Variants in NTM observed in about 807,000 individuals in gnomAD.
NTM encodes IgLON family member 2.
In NTM, 13 loss-of-function variants were observed where a neutral mutation model predicts 42.1. The observed-to-expected ratio is 0.31, with a 90% CI of 0.20 to 0.49. The LOEUF (loss-of-function observed/expected upper bound fraction) is 0.49. NTM is among the 20% of genes least tolerant of loss of function. The pLI is 0.99. For missense variants in NTM, 373 were observed against 452.8 expected, an observed-to-expected ratio of 0.82 and a Z score of 1.60; for synonymous variants, 187 against 179.2, an observed-to-expected ratio of 1.04 and a Z score of -0.35.
intron 4 of NTM, among the ~76,000 whole-genome samples, chr11:132,212,352 A>C (rs1373067405): frequency 2.6e-5 from 4 of 152,202 alleles, no homozygotes; most frequent in Non-Finnish European, 4.4e-5. Flanking sequence ...TTCATACCTC[A>C]GTATCTCTCC....
chr11:131,631,860 T>A (rs1172042466), intron 1 of NTM, among the ~76,000 whole-genome samples: 2 of 152,220 alleles, frequency 1.3e-5, no homozygotes, highest in Non-Finnish European at 2.9e-5. Flanking sequence ...TAAACACTGC[T>A]CTAATATCAT....
At chr11:131,553,546 T>C (rs2054992118) in intron 1 of NTM, among the ~76,000 whole-genome samples, 1 of 152,186 alleles carries the variant, frequency 6.6e-6, no homozygotes, top group Non-Finnish European at 1.5e-5. Flanking sequence ...AGGTGTTCTG[T>C]ATTCCATTAG....
intron 1 of NTM, among the ~76,000 whole-genome samples, chr11:131,447,320 C>T (rs1950133322): frequency 6.6e-6 from 1 of 152,168 alleles, no homozygotes; most frequent in African/African-American, 2.4e-5. Flanking sequence ...ATCATTTTAT[C>T]TTGTCAGAGT....
chr11:131,795,025 G>C (rs1229922880), intron 1 of NTM: 1 of 983,540 alleles, frequency 1.0e-6, no homozygotes. Context: ...CTCCTTCCTG[G>C]ACCCTGTAGC....
At chr11:131,544,563 T>C (rs540337372) in intron 1 of NTM, among the ~76,000 whole-genome samples, 57 of 152,328 alleles carry the variant, frequency 3.7e-4, no homozygotes, top group South Asian at 2.3e-3. Context: ...ATATTTTCTG[T>C]GACCCTGAAG....
At chr11:131,887,814 G>T (rs140011979) in intron 1 of NTM, among the ~76,000 whole-genome samples, 1 of 152,288 alleles carries the variant, frequency 6.6e-6, no homozygotes, top group African/African-American at 2.4e-5. Context: ...TTGCTATATT[G>T]TGGTGGCTTA....
intron 1 of NTM, among the ~76,000 whole-genome samples, chr11:131,497,009 G>T (rs1176192960): frequency 6.6e-6 from 1 of 152,074 alleles, no homozygotes; most frequent in Non-Finnish European, 1.5e-5. Flanking sequence ...CTAGCAGGAG[G>T]TCGATAATTC....
intron 2 of NTM, among the ~76,000 whole-genome samples, chr11:132,024,096 G>T (rs549278217): frequency 6.6e-6 from 1 of 152,038 alleles, no homozygotes; most frequent in Admixed American, 6.5e-5. Flanking sequence ...GGGATTACAG[G>T]TGTGAGCTAC....
chr11:132,066,934 G>T (rs939958546), intron 2 of NTM, among the ~76,000 whole-genome samples: 1 of 151,246 alleles, frequency 6.6e-6, no homozygotes, highest in African/African-American at 2.4e-5. Context: ...CAGGGATTAG[G>T]ATGTGCATGG....
At chr11:131,566,451 CTGTG>C (rs760259444) in intron 1 of NTM, among the ~76,000 whole-genome samples, 42 of 148,202 alleles carry the variant, frequency 2.8e-4, no homozygotes, top group Non-Finnish European at 5.1e-4. Context: ...GTGTGTGTGT[CTGTG>C]TGTGTGTGCA....
chr11:131,647,728 A>C (rs1490341420), intron 1 of NTM, among the ~76,000 whole-genome samples: 1 of 152,226 alleles, frequency 6.6e-6, no homozygotes, highest in African/African-American at 2.4e-5. Context: ...TGATTTTTAT[A>C]TTATACCATG....
intron 2 of NTM, among the ~76,000 whole-genome samples, chr11:131,923,268 A>G (rs1426076130): frequency 6.6e-6 from 1 of 152,200 alleles, no homozygotes; most frequent in Non-Finnish European, 1.5e-5. Flanking sequence ...TGCTGAGTTT[A>G]TTGCTCTCAT....
At chr11:131,761,369 AT>A (rs2084147022) in intron 1 of NTM, among the ~76,000 whole-genome samples, 1 of 152,160 alleles carries the variant, frequency 6.6e-6, no homozygotes, top group African/African-American at 2.4e-5. Flanking sequence ...AATGTTTTAT[AT>A]CCCCCTCCCC....
At chr11:131,494,737 T>C (rs1038970444) in intron 1 of NTM, among the ~76,000 whole-genome samples, 1 of 152,246 alleles carries the variant, frequency 6.6e-6, no homozygotes, top group Non-Finnish European at 1.5e-5. Context: ...AAATATTTGC[T>C]AGCCAACTTG....
At chr11:132,011,619 A>G (rs2072223893) in intron 2 of NTM, among the ~76,000 whole-genome samples, 5 of 152,200 alleles carry the variant, frequency 3.3e-5, no homozygotes, top group Non-Finnish European at 2.9e-5. Flanking sequence ...AATTCTTATA[A>G]CAATTCTATG....
At chr11:131,505,781 G>A (rs1198411131) in intron 1 of NTM, among the ~76,000 whole-genome samples, 1 of 152,206 alleles carries the variant, frequency 6.6e-6, no homozygotes, top group African/African-American at 2.4e-5. Context: ...CAACCCAGTT[G>A]AGAACTATCT....
At position 131,651,076 on chromosome 11, in the gene NTM, A is replaced by G. The variant is rs147423356; in HGVS notation, c.83-260488A>G. On this transcript the variant is annotated intron_variant, in intron 1 of 8. Coordinates refer to ENST00000683400, the MANE Select transcript of NTM (RefSeq NM_001352005.2). ...TCATTTTTAGTTGAGTGAACAACAAACCTTAGATCCTGACTTTTGCAACTA... is the reference window on the plus strand; with the variant it reads ...TCATTTTTAGTTGAGTGAACAACAAGCCTTAGATCCTGACTTTTGCAACTA... Among the ~76,000 whole-genome samples the G allele has an allele frequency of 7.3e-3, 1,111 of 152,344 alleles. 21 individuals carry two copies. Among genetic ancestry groups the G allele is most frequent in the African/African-American group, 0.025 (1,051 of 41,592 alleles).
chr11:131,915,506 G>C (rs1157971652), intron 2 of NTM, among the ~76,000 whole-genome samples: 1 of 152,142 alleles, frequency 6.6e-6, no homozygotes, highest in Non-Finnish European at 1.5e-5. Context: ...GCTATATTCA[G>C]TTTATCTCCT....
intron 4 of NTM, among the ~76,000 whole-genome samples, chr11:132,249,843 C>G (rs981722300): frequency 1.3e-5 from 2 of 152,230 alleles, no homozygotes. Flanking sequence ...CCAAGGATGT[C>G]CAAATAATTT....
Sources: gnomAD v4.1 joint callset for allele counts (sites outside exome capture counted in the v4.1 genomes callset) on GRCh38, gnomAD v4.1.1 for gene constraint, MANE v1.5 for transcripts, NCBI Gene and HGNC (gene_info 2026-07-23, HGNC 2026-07-21) for gene names.